Variants in MAP7 observed in about 807,000 individuals in gnomAD.
The protein encoded by MAP7 is ensconsin.
In MAP7, 52 loss-of-function variants were observed where a neutral mutation model predicts 94.8. The ratio of observed to expected loss-of-function variants is 0.55; its 90% CI spans 0.44 to 0.69. The LOEUF (loss-of-function observed/expected upper bound fraction) is 0.69, where lower values mean the gene tolerates loss of function less well. Among genes scored for constraint, MAP7 ranks in the 30% least tolerant of loss-of-function variants. MAP7 has a pLI of 0.00. For missense variants in MAP7, 940 were observed against 964.6 expected (o/e 0.97, Z 0.34); for synonymous variants, 350 against 357.0 (o/e 0.98, Z 0.22).
chr6:136,344,797 G>C (rs2128507860), intron 17 of MAP7, among the ~76,000 whole-genome samples: 1 of 152,274 alleles, frequency 6.6e-6, no homozygotes, highest in East Asian at 1.9e-4. Flanking sequence ...CCACTTCCAA[G>C]GTCAGTACAC....
chr6:136,535,709 T>C (rs1488124101), intron 1 of MAP7, among the ~76,000 whole-genome samples: 2 of 148,740 alleles, frequency 1.3e-5, no homozygotes, highest in Non-Finnish European at 3.0e-5. Flanking sequence ...AGAAGCTTTT[T>C]TTTTCTTTTT....
At chr6:136,447,424 A>G (rs978698002) in intron 1 of MAP7, among the ~76,000 whole-genome samples, 2 of 152,098 alleles carry the variant, frequency 1.3e-5, no homozygotes, top group East Asian at 3.9e-4. Flanking sequence ...GTTCCATTTT[A>G]TGTTCCAACT....
intron 3 of MAP7, among the ~76,000 whole-genome samples, chr6:136,408,450 G>C (rs1786305949): frequency 6.6e-6 from 1 of 152,042 alleles, no homozygotes; most frequent in Admixed American, 6.6e-5. Context: ...GTACAAATAT[G>C]CCATAACACC....
chr6:136,453,270 A>G (rs1176293369), intron 1 of MAP7, among the ~76,000 whole-genome samples: 3 of 152,186 alleles, frequency 2.0e-5, no homozygotes, highest in African/African-American at 7.2e-5. Flanking sequence ...TAATTTCAAA[A>G]CATTCTGATG....
At chr6:136,361,305 G>T in intron 11 of MAP7, 126 bp from the exon 12 acceptor site, 1 of 923,348 alleles carries the variant, frequency 1.1e-6, no homozygotes, top group Non-Finnish European at 1.7e-6. Flanking sequence ...CCCACTGGAT[G>T]CCTTCACCAC....
Position 136,403,409 on chromosome 6 carries a change from G to A in MAP7, c.244+8211C>T, listed in dbSNP as rs114015892. Among the ~76,000 whole-genome samples the A allele has an allele frequency of 6.6e-3, 1,002 of 152,318 alleles. 10 individuals carry two copies. Among genetic ancestry groups the A allele is most frequent in the African/African-American group, 0.022 (906 of 41,570 alleles). Reference sequence around the variant, plus strand: ...TATGAGAAGTCTGAGATACAGAGGAGTGAAGTAACCTGCCCGATGTCTCAC... The same window carrying A: ...TATGAGAAGTCTGAGATACAGAGGAATGAAGTAACCTGCCCGATGTCTCAC... On this transcript the variant is annotated intron_variant, in intron 3 of 17. Coordinates refer to ENST00000354570, the MANE Select transcript of MAP7 (RefSeq NM_003980.6).
chr6:136,466,957 G>A (rs1305955352), intron 1 of MAP7: 6 of 1,308,062 alleles, frequency 4.6e-6, no homozygotes, highest in Non-Finnish European at 5.9e-6. Context: ...AGGGTGGTGA[G>A]ACATACAACT....
intron 13 of MAP7, among the ~76,000 whole-genome samples, 196 bp downstream of exon 13, chr6:136,360,501 A>G (rs1792282684): frequency 6.6e-6 from 1 of 152,162 alleles, no homozygotes; most frequent in South Asian, 2.1e-4. Flanking sequence ...CTTAAGCTAC[A>G]TGAAGTGGAA....
chr6:136,525,377 T>C (rs1827548492), intron 1 of MAP7, among the ~76,000 whole-genome samples: 1 of 152,208 alleles, frequency 6.6e-6, no homozygotes, highest in South Asian at 2.1e-4. Context: ...ACCCTCTGCC[T>C]AGAAAAGGTT....
chr6:136,475,040 T>C (rs1810414321), intron 1 of MAP7, among the ~76,000 whole-genome samples: 1 of 152,170 alleles, frequency 6.6e-6, no homozygotes, highest in African/African-American at 2.4e-5. Flanking sequence ...ATAATTACTT[T>C]CCATGACAAT....
At position 136,470,527 on chromosome 6, in the gene MAP7, C is replaced by T. The variant is rs1033841318; in HGVS notation, c.68-48728G>A. Among the ~76,000 whole-genome samples, 7 of 152,170 alleles carry T rather than the reference C, an allele frequency of 4.6e-5. No homozygotes were observed. The East Asian group carries it at 9.7e-4, about 21-fold the overall frequency. Reference sequence around the variant, plus strand: ...AGCAAATTCAAAGTATACGATATAGCATTGTTAATGATAGTTACCATGCTG... The same window carrying T: ...AGCAAATTCAAAGTATACGATATAGTATTGTTAATGATAGTTACCATGCTG... On this transcript the variant is annotated intron_variant, in intron 1 of 17. Coordinates refer to ENST00000354570, the MANE Select transcript of MAP7 (RefSeq NM_003980.6).
At chr6:136,421,401 G>A (rs1326417421) in intron 2 of MAP7, among the ~76,000 whole-genome samples, 2 of 152,202 alleles carry the variant, frequency 1.3e-5, no homozygotes, top group Non-Finnish European at 2.9e-5. Flanking sequence ...TTAAATGAGT[G>A]CATCCACATA....
chr6:136,528,634 A>G (rs1309164668), intron 1 of MAP7, among the ~76,000 whole-genome samples: 1 of 152,276 alleles, frequency 6.6e-6, no homozygotes, highest in Non-Finnish European at 1.5e-5. Flanking sequence ...TATTAAGCAA[A>G]TGACTAATTT....
intron 1 of MAP7, among the ~76,000 whole-genome samples, chr6:136,504,281 A>G (rs932726569): frequency 6.6e-6 from 1 of 152,182 alleles, no homozygotes; most frequent in Non-Finnish European, 1.5e-5. Context: ...AGACTACGGA[A>G]GGATACACAG....
chr6:136,407,247 T>A (rs1785902823), intron 3 of MAP7, among the ~76,000 whole-genome samples: 1 of 152,194 alleles, frequency 6.6e-6, no homozygotes, highest in Non-Finnish European at 1.5e-5. Context: ...GAGACCACAG[T>A]CATATTCTTT....
intron 8 of MAP7, among the ~76,000 whole-genome samples, chr6:136,369,673 C>T (rs1168418632): frequency 6.6e-6 from 1 of 152,024 alleles, no homozygotes. Context: ...GAAACAAGGA[C>T]ATTCTCTTCA....
intron 1 of MAP7, among the ~76,000 whole-genome samples, chr6:136,479,268 T>C (rs765937453): frequency 3.9e-5 from 6 of 152,156 alleles, no homozygotes; most frequent in Non-Finnish European, 7.4e-5. Context: ...CACATAATTA[T>C]TTCAAGTGAT....
At chr6:136,467,049 T>C (rs1479814946) in intron 1 of MAP7, among the ~76,000 whole-genome samples, 4 of 152,152 alleles carry the variant, frequency 2.6e-5, no homozygotes, top group Admixed American at 2.0e-4. Flanking sequence ...AAAAAGCCAG[T>C]GAAGCTCAAA....
chr6:136,352,718 G>C (rs1789587370), intron 16 of MAP7, among the ~76,000 whole-genome samples: 1 of 152,156 alleles, frequency 6.6e-6, no homozygotes, highest in Admixed American at 6.5e-5. Context: ...TATAAAATAA[G>C]TGTAGACAGG....
Sources: gnomAD v4.1 joint callset for allele counts (sites outside exome capture counted in the v4.1 genomes callset) on GRCh38, gnomAD v4.1.1 for gene constraint, MANE v1.5 for transcripts, NCBI Gene and HGNC (gene_info 2026-07-23, HGNC 2026-07-21) for gene names.